Variants in CNBP observed in about 807,000 individuals in gnomAD.
The protein encoded by CNBP is cellular nucleic acid-binding protein.
Under a neutral mutation model 21.2 loss-of-function variants are expected in CNBP, and 6 were observed. That is an observed-to-expected ratio of 0.28 (90% CI 0.16 to 0.56). The LOEUF (loss-of-function observed/expected upper bound fraction) is 0.56, where lower values mean the gene tolerates loss of function less well. Ranked by LOEUF, CNBP falls within the 20% of genes least tolerant of loss-of-function variation. The pLI is 0.93. For missense variants in CNBP, 112 were observed against 233.1 expected, an observed-to-expected ratio of 0.48 and a Z score of 3.38; for synonymous variants, 61 against 74.9, an observed-to-expected ratio of 0.81 and a Z score of 0.96.
At chr3:129,176,182 A>G (rs79000381) in intron 1 of CNBP, among the ~76,000 whole-genome samples, 1 of 152,168 alleles carries the variant, frequency 6.6e-6, no homozygotes, top group Non-Finnish European at 1.5e-5. Context: ...TCATGGCTCC[A>G]TGAGTCTGTC....
At chr3:129,172,663 GACA>G (rs1937622505) in intron 1 of CNBP, among the ~76,000 whole-genome samples, 1 of 113,028 alleles carries the variant, frequency 8.8e-6, no homozygotes, top group Non-Finnish European at 1.8e-5. Flanking sequence ...CAGGCAGACA[GACA>G]GACAGACAGA....
intron 1 of CNBP, among the ~76,000 whole-genome samples, chr3:129,183,552 G>C (rs957206046): frequency 6.6e-6 from 1 of 152,250 alleles, no homozygotes; most frequent in African/African-American, 2.4e-5. Context: ...CGGCGACCCA[G>C]CTTTCCAGGA....
intron 1 of CNBP, among the ~76,000 whole-genome samples, chr3:129,180,109 G>T (rs549380708): frequency 6.6e-6 from 1 of 151,194 alleles, no homozygotes; most frequent in East Asian, 1.9e-4. Flanking sequence ...TTAAGGTAGG[G>T]AATTATACCA....
chr3:129,172,663 GACAGACAGA>G (rs1937622728), intron 1 of CNBP, among the ~76,000 whole-genome samples: 4 of 113,026 alleles, frequency 3.5e-5, no homozygotes, highest in African/African-American at 1.0e-4. Context: ...CAGGCAGACA[GACAGACAGA>G]CAGACAGACA....
intron 1 of CNBP, among the ~76,000 whole-genome samples, chr3:129,180,522 C>A (rs1165698467): frequency 6.6e-6 from 1 of 152,286 alleles, no homozygotes; most frequent in African/African-American, 2.4e-5. Context: ...AATTTGGTGG[C>A]CTCAAGTTCT....
intron 1 of CNBP, among the ~76,000 whole-genome samples, chr3:129,179,221 G>A (rs1470646320): frequency 1.3e-5 from 2 of 151,808 alleles, no homozygotes; most frequent in East Asian, 3.9e-4. Flanking sequence ...AGGTTGCGGT[G>A]AGCCGAGATC....
chr3:129,169,954 T>C lies in CNBP; in HGVS notation c.*499A>G, dbSNP rs191776002. On this transcript the variant is annotated 3_prime_UTR_variant, in exon 5 of 5. Transcript: ENST00000422453. ...GAACAGCCATTAACACGCATGTTTA[T>C]CTTTTTGTTTACTCCCACTCAACTG... is the stretch of plus-strand genomic sequence containing the variant. The C allele has an allele frequency of 3.9e-4, 90 of 232,858 alleles. 1 individual carries two copies. The highest frequency in any genetic ancestry group is 1.9e-3 in the African/African-American group (84 of 45,356). 14.4% of individuals were successfully genotyped at this position (232,858 alleles called of 1,614,324 possible). A position where few individuals can be genotyped will look rare whatever the true frequency, so the allele number is the denominator to read the frequency against.
At chr3:129,176,793 CCACT>C (rs990354746) in intron 1 of CNBP, among the ~76,000 whole-genome samples, 43 of 152,286 alleles carry the variant, frequency 2.8e-4, no homozygotes, top group African/African-American at 9.9e-4. Flanking sequence ...TTAGGGCCAA[CCACT>C]CAAAGGACAT....
intron 1 of CNBP, among the ~76,000 whole-genome samples, chr3:129,179,842 CTA>C (rs1938168306): frequency 6.6e-6 from 1 of 151,836 alleles, no homozygotes; most frequent in African/African-American, 2.4e-5. Context: ...CCAAAAAAAA[CTA>C]AAAAAACAAA....
rs1470874933 is a variant in CNBP at position 129,171,009 on chromosome 3, T to C, written c.416+70A>G. On this transcript the variant is annotated intron_variant, in intron 4 of 4. Coordinates refer to ENST00000422453, the MANE Select transcript of CNBP (RefSeq NM_003418.5). ...CACTGAATTTACTAAGGCCCTTCCATTTATAGCTAATTCATCTCTGGAAGA... is the reference window on the plus strand; with the variant it reads ...CACTGAATTTACTAAGGCCCTTCCACTTATAGCTAATTCATCTCTGGAAGA... The C allele has an allele frequency of 2.0e-6, 3 of 1,489,426 alleles. No homozygotes were observed. In the African/African-American group the frequency reaches 4.1e-5, roughly 21 times the overall value. The allele number at this position is 1,489,426 out of a possible 1,614,324, so 92.3% of individuals were successfully genotyped here.
rs917536724 is a variant in CNBP at position 129,178,174 on chromosome 3, A to AT, written c.-15+5601_-15+5602insA. Among the ~76,000 whole-genome samples the AT allele has an allele frequency of 4.6e-5, 7 of 151,488 alleles. No individual in the cohort carries two copies. In the South Asian group the frequency reaches 8.3e-4, roughly 18 times the overall value. ...ACTCTGTCTCAAAAAAAAAAAAAAA[A>AT]AAAAATAAGGTCTGACAAGACTTAA... On this transcript the variant is annotated intron_variant, in intron 1 of 4. Transcript: ENST00000422453.
At chr3:129,181,604 C>T (rs1938297972) in intron 1 of CNBP, among the ~76,000 whole-genome samples, 1 of 131,690 alleles carries the variant, frequency 7.6e-6, no homozygotes, top group Non-Finnish European at 1.5e-5. Flanking sequence ...GAGCCGAGAT[C>T]GCGCCACTGC....
rs1285903018 is a variant in CNBP, at chr3:129,169,111, T to A, written c.*1342A>T. Among the ~76,000 whole-genome samples, 3 of 145,860 alleles carry A rather than the reference T, an allele frequency of 2.1e-5. No individual in the cohort carries two copies. Among genetic ancestry groups the A allele is most frequent in the Non-Finnish European group, 4.5e-5 (3 of 66,658 alleles). ...AGCGACACTCTGTCTCAAAAAAAAA[T>A]AAAAAAATAAAATAAAAATAAAAAT... is the stretch of plus-strand genomic sequence containing the variant. On this transcript the variant is annotated 3_prime_UTR_variant, in exon 5 of 5. Coordinates refer to ENST00000422453, the MANE Select transcript of CNBP (RefSeq NM_003418.5).
At chr3:129,174,991 GT>G (rs1236262141) in intron 1 of CNBP, among the ~76,000 whole-genome samples, 1 of 152,126 alleles carries the variant, frequency 6.6e-6, no homozygotes, top group African/African-American at 2.4e-5. Context: ...GAGGTCAGGA[GT>G]TGGACATCAG....
intron 1 of CNBP, among the ~76,000 whole-genome samples, chr3:129,172,677 CAGACAGACAGACAGACAG>C (rs61646604): frequency 1.8e-4 from 21 of 117,202 alleles, no homozygotes; most frequent in African/African-American, 6.1e-4. Flanking sequence ...GACAGACAGA[CAGACAGACAGACAGACAG>C]ACACACACAC....
chr3:129,182,969 T>G (rs1938412986), intron 1 of CNBP, among the ~76,000 whole-genome samples: 1 of 151,276 alleles, frequency 6.6e-6, no homozygotes, highest in Non-Finnish European at 1.5e-5. Context: ...TTTGTTTTTT[T>G]AAGACGGAGT....
In CNBP at chr3:129,170,545, T is replaced by C; in HGVS notation, c.442A>G (p.Ile148Val). ...YRCGETGHVAINCSKTSEVNC... is the reference protein window; with the variant it reads ...YRCGETGHVAVNCSKTSEVNC... ...ACTTCACTTGTCTTGCTGCAGTTGA[T>C]GGCTACATGACCAGTTTCACCACAC... is the stretch of plus-strand genomic sequence containing the variant. The change falls in exon 5 of 5, where the codon ATC becomes GTC. Residue 148 changes from isoleucine to valine, a missense_variant. By Grantham distance (29) the Ile-to-Val change is conservative. Coordinates refer to ENST00000422453, the MANE Select transcript of CNBP (RefSeq NM_003418.5). 1.2e-6 allele frequency: 2 copies of C among 1,614,224 alleles called. No homozygotes were observed. The highest frequency in any genetic ancestry group is 2.2e-5 in the South Asian group (2 of 91,086).
At position 129,171,185 on chromosome 3, in the gene CNBP, G is replaced by C. The variant is rs776376393; in HGVS notation, c.310C>G (p.Pro104Ala). ...REQCCYNCGK[P>A]GHLARDCDHA... ...TCGCAGTCACGAGCCAGATGGCCTG[G>C]TTTGCCACAGTTGTAGCAGCATTGC... Residue 104 changes from proline (P) to alanine (A), a missense_variant, in exon 4 of 5, where the codon CCA becomes GCA. Coordinates refer to ENST00000422453, the MANE Select transcript of CNBP (RefSeq NM_003418.5). 14 of 1,614,236 alleles carry C rather than the reference G, an allele frequency of 8.7e-6. No individual in the cohort carries two copies. The highest frequency in any genetic ancestry group is 1.1e-5 in the Non-Finnish European group (13 of 1,180,044).
chr3:129,180,675 T>G (rs1489028362), intron 1 of CNBP, among the ~76,000 whole-genome samples: 1 of 152,106 alleles, frequency 6.6e-6, no homozygotes, highest in Non-Finnish European at 1.5e-5. Flanking sequence ...AAGAGCGTTC[T>G]CCACATAGCA....
Sources: gnomAD v4.1 joint callset for allele counts (sites outside exome capture counted in the v4.1 genomes callset) on GRCh38, gnomAD v4.1.1 for gene constraint, MANE v1.5 for transcripts, NCBI Gene and HGNC (gene_info 2026-07-23, HGNC 2026-07-21) for gene names.